The following NCKAP5 variants were observed in gnomAD, a reference collection of about 807,000 sequenced individuals.
The protein encoded by NCKAP5 is nck-associated protein 5.
Under a neutral mutation model 167.0 loss-of-function variants are expected in NCKAP5, and 92 were observed. The observed-to-expected ratio is 0.55, with a 90% CI of 0.47 to 0.66. NCKAP5 has a LOEUF of 0.66. Among genes scored for constraint, NCKAP5 ranks in the 30% least tolerant of loss-of-function variants. NCKAP5 has a pLI of 0.00. For synonymous variants in NCKAP5, 891 were observed against 877.4 expected, an observed-to-expected ratio of 1.02 and a Z score of -0.27; for missense variants, 2,378 against 2,315.0, an observed-to-expected ratio of 1.03 and a Z score of -0.56.
At chr2:133,336,113 C>T (rs564228656) in intron 3 of NCKAP5, among the ~76,000 whole-genome samples, 5 of 152,080 alleles carry the variant, frequency 3.3e-5, no homozygotes, top group South Asian at 2.1e-4. Context: ...TTCTGTCCAC[C>T]GAAATAGCCA....
At chr2:132,935,127 T>A (rs1321520890) in intron 8 of NCKAP5, among the ~76,000 whole-genome samples, 1 of 152,182 alleles carries the variant, frequency 6.6e-6, no homozygotes, top group Admixed American at 6.5e-5. Context: ...GGAGCTTTTG[T>A]AAAGGATAGT....
At chr2:132,689,634 G>A (rs2105120476) in intron 19 of NCKAP5, among the ~76,000 whole-genome samples, 1 of 152,220 alleles carries the variant, frequency 6.6e-6, no homozygotes, top group South Asian at 2.1e-4. Flanking sequence ...AGCAGGCATT[G>A]CTTATCAGTC....
At chr2:132,733,895 C>A (rs2105506600) in intron 16 of NCKAP5, among the ~76,000 whole-genome samples, 1 of 152,258 alleles carries the variant, frequency 6.6e-6, no homozygotes, top group East Asian at 1.9e-4. Flanking sequence ...AAGATGAAGT[C>A]CCTACTCAAG....
chr2:132,994,864 A>C (rs1036885107), intron 6 of NCKAP5, among the ~76,000 whole-genome samples: 2 of 152,234 alleles, frequency 1.3e-5, no homozygotes, highest in African/African-American at 4.8e-5. Context: ...TGTATTACCT[A>C]TTGCTCCTAG....
At chr2:133,582,213 G>A in the NCKAP5 span, among the ~76,000 whole-genome samples, 1 of 152,164 alleles carries the variant, frequency 6.6e-6, no homozygotes, top group African/African-American at 2.4e-5. Context: ...GCACCATGCA[G>A]GAGTCTATCA....
At chr2:132,859,578 G>C (rs1488471806) in intron 11 of NCKAP5, among the ~76,000 whole-genome samples, 4 of 152,138 alleles carry the variant, frequency 2.6e-5, no homozygotes, top group Non-Finnish European at 5.9e-5. Context: ...TACATGGCTA[G>C]TGGTTATAGT....
chr2:133,179,156 A>G (rs962555476), intron 5 of NCKAP5, among the ~76,000 whole-genome samples: 2 of 152,122 alleles, frequency 1.3e-5, no homozygotes, highest in African/African-American at 4.8e-5. Context: ...AAACAAAAGA[A>G]AGCAAAAAGT....
chr2:133,667,677 T>C, the NCKAP5 span, among the ~76,000 whole-genome samples: 1 of 152,086 alleles, frequency 6.6e-6, no homozygotes. Flanking sequence ...CATATTGACA[T>C]CTATTTACAC....
Position 133,156,835 on chromosome 2 carries a change from A to C in NCKAP5, c.208-26724T>G, listed in dbSNP as rs184519709. ...TCTATTTAACAGCTTCTTATTACCC[A>C]ATGAACATGAGCCAGATTTTTTAGG... On this transcript the variant is annotated intron_variant, in intron 5 of 19. Transcript: ENST00000409261. 2.2e-4 allele frequency among the ~76,000 whole-genome samples: 33 copies of C among 152,192 alleles called. No homozygotes were observed. In the East Asian group the frequency reaches 6.0e-3, roughly 28 times the overall value.
Position 132,714,983 on chromosome 2 carries a change from C to G in NCKAP5, c.5713+10644G>C, listed in dbSNP as rs1185693717. ...CCACTGTGTAATTCGCTGAGTAATA[C>G]TTGACATTTGTCCTGGTTTTTCCCA... On this transcript the variant is annotated intron_variant, in intron 19 of 19. Transcript: ENST00000409261. 5 of 426,010 alleles carry G rather than the reference C, an allele frequency of 1.2e-5. No individual in the cohort carries two copies. In the Admixed American group the frequency reaches 1.4e-4, roughly 12 times the overall value. 26.4% of individuals were successfully genotyped at this position (426,010 alleles called of 1,614,324 possible).
chr2:133,097,299 T>C (rs1245157940), intron 6 of NCKAP5, among the ~76,000 whole-genome samples: 1 of 152,188 alleles, frequency 6.6e-6, no homozygotes, highest in Non-Finnish European at 1.5e-5. Context: ...TAAACCTCTC[T>C]TTTTCAAATC....
At chr2:133,133,035 A>AT (rs939217684) in intron 5 of NCKAP5, among the ~76,000 whole-genome samples, 26 of 151,900 alleles carry the variant, frequency 1.7e-4, no homozygotes, top group African/African-American at 4.1e-4. Flanking sequence ...TAGATTGGCT[A>AT]TTTTTTTTCT....
At chr2:132,849,242 C>T (rs1311792563) in intron 11 of NCKAP5, among the ~76,000 whole-genome samples, 1 of 152,076 alleles carries the variant, frequency 6.6e-6, no homozygotes, top group Non-Finnish European at 1.5e-5. Context: ...GCCATGGCTC[C>T]CCCTCTTTTT....
chr2:133,039,152 G>A (rs2079132461), intron 6 of NCKAP5, among the ~76,000 whole-genome samples: 2 of 152,208 alleles, frequency 1.3e-5, no homozygotes, highest in South Asian at 4.1e-4. Context: ...GGCCAGAGGA[G>A]CCCCACAGAA....
At chr2:132,678,286 A>G (rs1294150444) in intron 19 of NCKAP5, among the ~76,000 whole-genome samples, 1 of 152,214 alleles carries the variant, frequency 6.6e-6, no homozygotes, top group Non-Finnish European at 1.5e-5. Context: ...GCAATCAATT[A>G]TTGTTCTATG....
In NCKAP5 at chr2:133,100,044, A is replaced by G. The variant is rs761726001; in HGVS notation, c.341+29934T>C. On this transcript the variant is annotated intron_variant, in intron 6 of 19. Coordinates refer to ENST00000409261, the MANE Select transcript of NCKAP5 (RefSeq NM_207363.3). ...CGTTCTCAGTGTTTCTGTGCTGAGG[A>G]TCTCCTCCTACCTCTCTAAAGTGCA... Among the ~76,000 whole-genome samples, 23 of 152,290 alleles carry G rather than the reference A, an allele frequency of 1.5e-4. 2 individuals are homozygous for G. In the Middle Eastern group the frequency reaches 0.041, roughly 270 times the overall value.
At chr2:133,567,174 T>G (rs1273172023) in intron 1 of NCKAP5, among the ~76,000 whole-genome samples, 1 of 152,178 alleles carries the variant, frequency 6.6e-6, no homozygotes, top group East Asian at 1.9e-4. Flanking sequence ...CTGTCAGGTC[T>G]AGAGGGCAGG....
chr2:133,202,983 A>G (rs13389589), intron 5 of NCKAP5, among the ~76,000 whole-genome samples: 77,595 of 151,890 alleles, frequency 0.51, 20,117 homozygotes, highest in African/African-American at 0.54. Context: ...ACAGTGTGGC[A>G]ATCCCTCAAG....
chr2:133,175,497 A>T (rs555534849), intron 5 of NCKAP5, among the ~76,000 whole-genome samples: 3 of 152,134 alleles, frequency 2.0e-5, no homozygotes, highest in Non-Finnish European at 4.4e-5. Flanking sequence ...ACTTAGTTTC[A>T]TGTACTGTTC....
Sources: gnomAD v4.1 joint callset for allele counts (sites outside exome capture counted in the v4.1 genomes callset) on GRCh38, gnomAD v4.1.1 for gene constraint, MANE v1.5 for transcripts, NCBI Gene and HGNC (gene_info 2026-07-23, HGNC 2026-07-21) for gene names.